Variants in DDO observed in about 807,000 individuals in gnomAD.
DDO encodes the protein D-aspartate oxidase, also known as D-aspartate oxidase, DDO.
Under a neutral mutation model 16.8 loss-of-function variants are expected in DDO, and 16 were observed. The observed-to-expected ratio is 0.95, with a 90% CI of 0.65 to 1.45. The LOEUF (loss-of-function observed/expected upper bound fraction) is 1.45. DDO is among the 40% of genes most tolerant of loss of function. DDO has a pLI of 0.00. For missense variants in DDO, 429 were observed against 420.3 expected (o/e 1.02, Z -0.18); for synonymous variants, 180 against 167.2 (o/e 1.08, Z -0.59).
At chr6:110,406,284 T>G (rs926611665) in intron 3 of DDO, among the ~76,000 whole-genome samples, 1 of 152,122 alleles carries the variant, frequency 6.6e-6, no homozygotes, top group African/African-American at 2.4e-5. Flanking sequence ...TACACACACA[T>G]GCACGCATGC....
At position 110,405,182 on chromosome 6, in the gene DDO, G is replaced by A. The variant is rs112243388; in HGVS notation, c.282-232C>T. 1.9e-4 allele frequency among the ~76,000 whole-genome samples: 29 copies of A among 152,188 alleles called. 1 individual carries two copies. Among genetic ancestry groups the A allele is most frequent in the African/African-American group, 6.0e-4 (25 of 41,514 alleles). On this transcript the variant is annotated intron_variant, in intron 3 of 4. Transcript: ENST00000368924. Reference sequence around the variant, plus strand: ...CTCCCGGGTAGCTGGGACCACAGGCGCTTGCTACCACACCTGACTAATTTT... The same window carrying A: ...CTCCCGGGTAGCTGGGACCACAGGCACTTGCTACCACACCTGACTAATTTT...
chr6:110,415,018 T>A (rs990997159), intron 1 of DDO, among the ~76,000 whole-genome samples: 1 of 152,256 alleles, frequency 6.6e-6, no homozygotes, highest in South Asian at 2.1e-4. Flanking sequence ...TAGTGTGATA[T>A]TCCTATTCCT....
chr6:110,405,021 A>G, intron 3 of DDO, 71 bp from the exon 4 acceptor site: 1 of 1,394,822 alleles, frequency 7.2e-7, no homozygotes, highest in Middle Eastern at 1.8e-4. Flanking sequence ...ACTTCACATG[A>G]CATTCTCTAG....
Position 110,399,735 on chromosome 6 carries a change from C to G in DDO, c.458+5039G>C, listed in dbSNP as rs1773412537. ...GCCACCGGGCGCTGTCTGTGGAGGC[C>G]CCACACCGGGGTCAGGAGGGAGCCA... On this transcript the variant is annotated intron_variant, in intron 4 of 4. Transcript: ENST00000368924. 2.6e-5 allele frequency among the ~76,000 whole-genome samples: 4 copies of G among 152,318 alleles called. No homozygotes were observed. In the South Asian group the frequency reaches 8.3e-4, roughly 32 times the overall value.
At chr6:110,390,426 A>G (rs1440534564), downstream of DDO, among the ~76,000 whole-genome samples, 1 of 152,250 alleles carries the variant, frequency 6.6e-6, no homozygotes, top group African/African-American at 2.4e-5. Context: ...TACTGACCAA[A>G]ATGAATAATG....
intron 1 of DDO, among the ~76,000 whole-genome samples, chr6:110,414,542 G>T (rs1773981189): frequency 6.6e-6 from 1 of 152,220 alleles, no homozygotes; most frequent in Non-Finnish European, 1.5e-5. Flanking sequence ...GGCACCCTCT[G>T]TCCCACCCCT....
chr6:110,396,487 A>C (rs1230903865), intron 4 of DDO, among the ~76,000 whole-genome samples: 2 of 152,246 alleles, frequency 1.3e-5, no homozygotes, highest in Non-Finnish European at 2.9e-5. Context: ...TCAATGCTTC[A>C]AACAACAGAA....
chr6:110,389,463 A>G (rs1256452920), downstream of DDO, among the ~76,000 whole-genome samples: 1 of 152,256 alleles, frequency 6.6e-6, no homozygotes, highest in African/African-American at 2.4e-5. Flanking sequence ...TGAGAAATGC[A>G]AAGGCTATTT....
At chr6:110,410,727 C>T (rs1455380882) in intron 2 of DDO, among the ~76,000 whole-genome samples, 1 of 152,150 alleles carries the variant, frequency 6.6e-6, no homozygotes, top group Non-Finnish European at 1.5e-5. Flanking sequence ...AACTACCTCC[C>T]ACCAGGTTCC....
Position 110,392,892 on chromosome 6 carries a change from G to A in DDO, c.909C>T (p.His303=), listed in dbSNP as rs1369815361. Residue 303 remains histidine (H), a synonymous_variant, in exon 5 of 5, where the codon CAC becomes CAT. Transcript: ENST00000368924. ...AGATGCCCCCACTCCCATGGCCATAGTGGTGGACTACAGGCAGCCTCTGTC... is the reference window on the plus strand; with the variant it reads ...AGATGCCCCCACTCCCATGGCCATAATGGTGGACTACAGGCAGCCTCTGTC... The part of the protein sequence containing the change: ...RDGQRLPVVH[H]YGHGSGGISV... 6.2e-7 allele frequency: 1 copy of A among 1,614,224 alleles called. No homozygotes were observed. The highest frequency in any genetic ancestry group is 8.5e-7 in the Non-Finnish European group (1 of 1,180,040).
chr6:110,408,756 G>C (rs762847776), intron 2 of DDO, among the ~76,000 whole-genome samples: 1 of 152,198 alleles, frequency 6.6e-6, no homozygotes, highest in African/African-American at 2.4e-5. Flanking sequence ...GTATATTCCA[G>C]AGGTCCTTGG....
intron 4 of DDO, among the ~76,000 whole-genome samples, chr6:110,394,869 C>T (rs566605541): frequency 6.4e-4 from 97 of 152,294 alleles, no homozygotes; most frequent in Non-Finnish European, 1.2e-3. Flanking sequence ...TTTGAACAGT[C>T]GTCAATCACA....
rs140381130 is a variant in DDO, at chr6:110,413,992, T to C, written c.-4-526A>G. Among the ~76,000 whole-genome samples, 571 of 152,308 alleles carry C rather than the reference T, an allele frequency of 3.7e-3. 1 individual carries two copies. The highest frequency in any genetic ancestry group is 0.014 in the Middle Eastern group (4 of 294). On this transcript the variant is annotated intron_variant, in intron 1 of 4. Coordinates refer to ENST00000368924, the MANE Select transcript of DDO (RefSeq NM_001372108.2). The stretch of plus-strand genomic sequence containing the variant: ...TTTCAGCATGTTGGCTAGGCTGGTC[T>C]CGAACTCCTGACCTTGTGATCCGCC...
At chr6:110,388,885 G>A (rs1462570353), downstream of DDO, 1 of 818,032 alleles carries the variant, frequency 1.2e-6, no homozygotes, top group Non-Finnish European at 1.5e-6. Flanking sequence ...TCAGGCAGTA[G>A]CACCGATTAC....
intron 2 of DDO, among the ~76,000 whole-genome samples, chr6:110,408,845 C>T (rs922467033): frequency 1.6e-4 from 25 of 152,178 alleles, no homozygotes; most frequent in African/African-American, 5.8e-4. Flanking sequence ...ACAATAGGAC[C>T]AAGGACAGAG....
intron 4 of DDO, among the ~76,000 whole-genome samples, chr6:110,399,845 T>C (rs1773416850): frequency 6.6e-6 from 1 of 152,190 alleles, no homozygotes; most frequent in African/African-American, 2.4e-5. Flanking sequence ...TCTGAGGCAC[T>C]CACATCTCAG....
chr6:110,404,699 T>A, intron 4 of DDO, 75 bp downstream of exon 4: 1 of 1,505,004 alleles, frequency 6.6e-7, no homozygotes, highest in South Asian at 1.2e-5. Context: ...CTTTTCAGTA[T>A]GTATTTTATG....
Position 110,392,337 on chromosome 6 carries a change from A to G in DDO, c.*438T>C, listed in dbSNP as rs1773123860. 7 of 986,528 alleles carry G rather than the reference A, an allele frequency of 7.1e-6. No homozygotes were observed. The highest frequency in any genetic ancestry group is 1.1e-4 in the East Asian group (1 of 8,850). 61.1% of individuals were successfully genotyped at this position (986,528 alleles called of 1,614,324 possible). A position where few individuals can be genotyped will look rare whatever the true frequency, so the allele number is the denominator to read the frequency against. ...TAAGCCAAATGATATCAAAATCTCT[A>G]TAGCTTCCAACATTCATATAAATCT... On this transcript the variant is annotated 3_prime_UTR_variant, in exon 5 of 5. Transcript: ENST00000368924.
downstream of DDO, among the ~76,000 whole-genome samples, chr6:110,389,102 A>C (rs1206230627): frequency 6.6e-6 from 1 of 152,252 alleles, no homozygotes; most frequent in African/African-American, 2.4e-5. Flanking sequence ...TATCTTCACC[A>C]ATGTGAGTGG....
Sources: allele counts gnomAD v4.1 joint callset (sites outside exome capture counted in the v4.1 genomes callset), GRCh38; gene constraint gnomAD v4.1.1; transcripts MANE v1.5; gene names NCBI Gene and HGNC (gene_info 2026-07-23, HGNC 2026-07-21).